The following RGS9 variants were observed in gnomAD, a reference collection of about 807,000 sequenced individuals.
RGS9 encodes regulator of G-protein signalling 9.
Under a neutral mutation model 102.0 loss-of-function variants are expected in RGS9, and 78 were observed. The observed-to-expected ratio is 0.76, with a 90% confidence interval of 0.64 to 0.92. The LOEUF is 0.92. Among genes scored for constraint, RGS9 ranks in the 40% least tolerant of loss-of-function variants. RGS9 has a pLI of 0.00. For missense variants in RGS9, 833 were observed against 866.1 expected (o/e 0.96, Z 0.48); for synonymous variants, 353 against 318.6 (o/e 1.11, Z -1.15).
intron 11 of RGS9, among the ~76,000 whole-genome samples, chr17:65,192,390 G>A (rs1380536816): frequency 1.3e-5 from 2 of 152,136 alleles, no homozygotes; most frequent in East Asian, 3.9e-4. Flanking sequence ...TCAGGCAGGA[G>A]GATTGCTTGA....
chr17:65,140,749 C>A (rs1023439228), intron 1 of RGS9, among the ~76,000 whole-genome samples: 3 of 152,116 alleles, frequency 2.0e-5, no homozygotes, highest in African/African-American at 7.2e-5. Context: ...GTGGTGAGCA[C>A]CTGTAATCCC....
At chr17:65,185,388 T>A (rs1209699433) in intron 9 of RGS9, 1 of 152,630 alleles carries the variant, frequency 6.6e-6, no homozygotes, top group Non-Finnish European at 1.5e-5. Context: ...TGCCTCCATA[T>A]GTGGCCAGTA....
intron 1 of RGS9, among the ~76,000 whole-genome samples, chr17:65,144,409 C>T (rs1910275789): frequency 6.6e-6 from 1 of 152,126 alleles, no homozygotes; most frequent in African/African-American, 2.4e-5. Flanking sequence ...TCTGTGATGT[C>T]GGGGTTCCCT....
At position 65,164,628 on chromosome 17, in the gene RGS9, C is replaced by T. The variant is rs374526039; in HGVS notation, c.500+1539C>T. On this transcript the variant is annotated intron_variant, in intron 7 of 18. Coordinates refer to ENST00000262406, the MANE Select transcript of RGS9 (RefSeq NM_003835.4). ...GAACACTGTTTATGGGAGAGCTGGT[C>T]CGGGAAAAATAGATTCTTATGGCGG... Among the ~76,000 whole-genome samples, 4 of 152,042 alleles carry T rather than the reference C, an allele frequency of 2.6e-5. No homozygotes were observed. In the South Asian group the frequency reaches 6.2e-4, roughly 24 times the overall value.
chr17:65,175,483 T>C (rs1911591851), intron 8 of RGS9, among the ~76,000 whole-genome samples: 2 of 152,160 alleles, frequency 1.3e-5, no homozygotes, highest in South Asian at 4.1e-4. Flanking sequence ...CAACTCTAAT[T>C]TATCCTTTGT....
chr17:65,152,863 C>T (rs1910631872), intron 1 of RGS9, among the ~76,000 whole-genome samples: 1 of 152,202 alleles, frequency 6.6e-6, no homozygotes, highest in African/African-American at 2.4e-5. Context: ...TATGCAATAG[C>T]TTTGAATAGG....
chr17:65,204,937 T>G (rs1315417667), intron 15 of RGS9, among the ~76,000 whole-genome samples: 1 of 152,110 alleles, frequency 6.6e-6, no homozygotes, highest in Non-Finnish European at 1.5e-5. Context: ...GAGCTCTTAG[T>G]TTCTGCTGCA....
intron 17 of RGS9, among the ~76,000 whole-genome samples, chr17:65,216,785 T>C (rs1323557109): frequency 3.3e-5 from 5 of 152,212 alleles, no homozygotes; most frequent in Admixed American, 6.5e-5. Context: ...GATCATCAAG[T>C]CTTATTTCAT....
chr17:65,207,970 G>A lies in RGS9; in HGVS notation c.1252G>A (p.Ala418Thr). ...ATCTCCGATCTATAAGGACATGCTG[G>A]CCAAAGCTATTGAACCTCAGGAAAC... The part of the protein sequence containing the change: ...LKSPIYKDML[A>T]KAIEPQETTK... Residue 418 changes from alanine to threonine, a missense_variant, in exon 16 of 19, where the codon GCC (alanine) becomes ACC (threonine). By Grantham distance (58) the Ala-to-Thr change is moderately conservative. Around this residue, in one of 3 missense-constraint regions of RGS9, gnomAD observed 185 missense variants for 248.7 expected, o/e 0.74. Coordinates refer to ENST00000262406, the MANE Select transcript of RGS9 (RefSeq NM_003835.4). The A allele has an allele frequency of 6.2e-7, 1 of 1,613,314 alleles. No homozygotes were observed. The highest frequency in any genetic ancestry group is 8.5e-7 in the Non-Finnish European group (1 of 1,179,434).
intron 1 of RGS9, among the ~76,000 whole-genome samples, chr17:65,146,750 C>T (rs931650782): frequency 2.0e-5 from 3 of 147,734 alleles, no homozygotes; most frequent in East Asian, 4.1e-4. Context: ...AAAAAATTAG[C>T]GTAGTGGCGC....
At chr17:65,190,098 G>A (rs1912308273) in intron 10 of RGS9, 77 bp from the exon 11 acceptor site, 2 of 1,176,964 alleles carry the variant, frequency 1.7e-6, no homozygotes, top group Admixed American at 1.7e-5. Flanking sequence ...AATGGCTTCT[G>A]GGTTTGGAGG....
intron 17 of RGS9, among the ~76,000 whole-genome samples, chr17:65,213,941 T>C (rs1440107738): frequency 6.6e-6 from 1 of 152,178 alleles, no homozygotes; most frequent in Non-Finnish European, 1.5e-5. Flanking sequence ...TTATGCTTCA[T>C]AGATGTATTT....
chr17:65,177,062 CATCCA>C (rs1911660855), intron 8 of RGS9, among the ~76,000 whole-genome samples: 1 of 139,384 alleles, frequency 7.2e-6, no homozygotes, highest in South Asian at 2.1e-4. Flanking sequence ...TTTGTCCATC[CATCCA>C]TCCATCCATC....
chr17:65,197,102 T>C (rs1351718594), intron 12 of RGS9, 24 bp from the exon 13 acceptor site: 1 of 1,564,140 alleles, frequency 6.4e-7, no homozygotes, highest in Admixed American at 1.7e-5. Flanking sequence ...ACCTCTCTGG[T>C]GCATTTACAA....
intron 9 of RGS9, among the ~76,000 whole-genome samples, chr17:65,186,844 C>T (rs1912143277): frequency 6.6e-6 from 1 of 152,144 alleles, no homozygotes; most frequent in African/African-American, 2.4e-5. Flanking sequence ...AGTTGCTAGG[C>T]AGTTATCATT....
intron 13 of RGS9, among the ~76,000 whole-genome samples, chr17:65,201,543 C>A (rs188698088): frequency 1.6e-4 from 25 of 152,282 alleles, no homozygotes; most frequent in Middle Eastern, 3.4e-3. Flanking sequence ...AGCGTAGCAA[C>A]GCATGTATAG....
intron 9 of RGS9, among the ~76,000 whole-genome samples, chr17:65,188,241 G>A (rs1912208936): frequency 6.6e-6 from 1 of 152,280 alleles, no homozygotes; most frequent in Non-Finnish European, 1.5e-5. Context: ...GAGCTTCTAA[G>A]AGCCTGAACA....
chr17:65,194,009 T>C (rs532769597), intron 12 of RGS9, among the ~76,000 whole-genome samples: 30 of 152,300 alleles, frequency 2.0e-4, no homozygotes, highest in Admixed American at 1.6e-3. Context: ...TCCCAAGGGC[T>C]ACTCGATTCG....
intron 15 of RGS9, 22 bp from the exon 16 acceptor site, chr17:65,207,900 G>A (rs200834152): frequency 5.8e-6 from 9 of 1,558,316 alleles, no homozygotes; most frequent in Middle Eastern, 1.7e-4. Flanking sequence ...CATAATTACT[G>A]TTGTTTTCTT....
Sources: gnomAD v4.1 joint callset for allele counts (sites outside exome capture counted in the v4.1 genomes callset) on GRCh38, gnomAD v4.1.1 for gene constraint, gnomAD v4.1.1 regional missense constraint, MANE v1.5 for transcripts, NCBI Gene and HGNC (gene_info 2026-07-23, HGNC 2026-07-21) for gene names.